The following LOXHD1 variants were observed in gnomAD, a reference collection of about 807,000 sequenced individuals.
LOXHD1 encodes the protein lipoxygenase homology PLAT domains 1, also known as lipoxygenase homology domain-containing protein 1.
In LOXHD1, 205 loss-of-function variants were observed where a neutral mutation model predicts 248.2. The ratio of observed to expected loss-of-function variants is 0.83; its 90% CI spans 0.74 to 0.93. The LOEUF (loss-of-function observed/expected upper bound fraction) is 0.93. Among genes scored for constraint, LOXHD1 ranks in the 40% least tolerant of loss-of-function variants. The pLI is 0.00. For synonymous variants in LOXHD1, 1,113 were observed against 1,162.8 expected (o/e 0.96, Z 0.87); for missense variants, 2,930 against 2,971.6 (o/e 0.99, Z 0.33).
chr18:46,550,194 T>C lies in LOXHD1; in HGVS notation c.3351-3136A>G, dbSNP rs369750012. On this transcript the variant is annotated intron_variant, in intron 21 of 40. Transcript: ENST00000642948. ...GTTCTGAAACCCAAATATTAGAGGC[T>C]CATAGCTTTGGATGCTGAAGAACAC... is the stretch of plus-strand genomic sequence containing the variant. 4.0e-3 allele frequency among the ~76,000 whole-genome samples: 616 copies of C among 152,348 alleles called. 3 individuals are homozygous for C. Among genetic ancestry groups the C allele is most frequent in the African/African-American group, 0.014 (579 of 41,576 alleles).
Position 46,579,795 on chromosome 18 carries a change from G to A in LOXHD1, c.1655-11C>T. ...CATGGTACCGGGCCACTGGCAGGCA[G>A]AGAGAGGGACATCATTGCTGACAGC... is the stretch of plus-strand genomic sequence containing the variant. On this transcript the variant is annotated splice_polypyrimidine_tract_variant and intron_variant, in intron 12 of 40. Transcript: ENST00000642948. The A allele has an allele frequency of 6.5e-7, 1 of 1,550,120 alleles. No homozygotes were observed. The highest frequency in any genetic ancestry group is 8.7e-7 in the Non-Finnish European group (1 of 1,145,754).
rs2038179435 is a variant in LOXHD1 at position 46,592,024 on chromosome 18, A to G, written c.1563T>C (p.Asn521=). The G allele has an allele frequency of 1.3e-6, 2 of 1,552,108 alleles. No individual in the cohort carries two copies. The highest frequency in any genetic ancestry group is 2.0e-5 in the Admixed American group (1 of 50,992). The change falls in exon 12 of 41, where the codon AAT becomes AAC. Residue 521 remains asparagine, a synonymous_variant. Coordinates refer to ENST00000642948, the MANE Select transcript of LOXHD1 (RefSeq NM_001384474.1). ...CATTGGCATCCAGCCAGCGGTTGCA[A>G]TTGAAGTTGTACTTGTCTTTGTTCA... ...NTLNKDKYNF[N]CNRWLDANED...
chr18:46,648,640 T>TA (rs747159277), intron 2 of LOXHD1, among the ~76,000 whole-genome samples: 1 of 152,026 alleles, frequency 6.6e-6, no homozygotes, highest in African/African-American at 2.4e-5. Flanking sequence ...CTAGTTATAA[T>TA]AAAAAAGAGC....
At chr18:46,606,795 A>G (rs997042481) in intron 6 of LOXHD1, among the ~76,000 whole-genome samples, 1 of 152,206 alleles carries the variant, frequency 6.6e-6, no homozygotes, top group Non-Finnish European at 1.5e-5. Flanking sequence ...ATTTTGAGGA[A>G]AAAATAGAAA....
intron 9 of LOXHD1, 66 bp downstream of exon 9, chr18:46,594,265 T>C (rs2038222911): frequency 1.9e-6 from 3 of 1,542,142 alleles, no homozygotes; most frequent in African/African-American, 2.7e-5. Flanking sequence ...TGCCTAGTGG[T>C]CTGACATTCT....
rs149353673 is a variant in LOXHD1 at position 46,645,616 on chromosome 18, GGGT to G, written c.245+3536_245+3538del. On this transcript the variant is annotated intron_variant, in intron 2 of 40. Transcript: ENST00000642948. ...GCCTTCTTCTGGCAGCCACTGCTGT[GGGT>G]GCTTAACTGGGGTGGGGTCGGGGTA... Among the ~76,000 whole-genome samples the G allele has an allele frequency of 6.4e-3, 980 of 152,286 alleles. 5 individuals carry two copies. Among genetic ancestry groups the G allele is most frequent in the African/African-American group, 0.023 (948 of 41,556 alleles).
chr18:46,630,786 A>G (rs974926547), intron 4 of LOXHD1, among the ~76,000 whole-genome samples: 1 of 151,992 alleles, frequency 6.6e-6, no homozygotes, highest in Admixed American at 6.6e-5. Flanking sequence ...GGGGTGTGAA[A>G]TCAGTGGGTG....
intron 21 of LOXHD1, 102 bp downstream of exon 21, chr18:46,557,254 T>G: frequency 2.2e-6 from 3 of 1,370,810 alleles, no homozygotes; most frequent in Non-Finnish European, 3.0e-6. Flanking sequence ...CCCTCCACCG[T>G]CACAGCCGGC....
chr18:46,572,041 T>C, intron 15 of LOXHD1, 45 bp downstream of exon 15: 1 of 1,487,096 alleles, frequency 6.7e-7, no homozygotes, highest in Non-Finnish European at 9.2e-7. Flanking sequence ...AAGGCCCCTG[T>C]CTCACCAAGG....
chr18:46,534,536 T>A, intron 26 of LOXHD1, 85 bp from the exon 27 acceptor site: 1 of 1,004,824 alleles, frequency 1.0e-6, no homozygotes, highest in Non-Finnish European at 1.5e-6. Context: ...CCCCAGGGCA[T>A]CCACCCTGAG....
intron 37 of LOXHD1, among the ~76,000 whole-genome samples, chr18:46,498,139 G>A (rs1043816913): frequency 6.6e-6 from 1 of 152,160 alleles, no homozygotes; most frequent in Non-Finnish European, 1.5e-5. Context: ...TAGGAGCAAG[G>A]CCTTTGCTAA....
At chr18:46,509,136 G>A (rs1220894335) in intron 35 of LOXHD1, among the ~76,000 whole-genome samples, 2 of 152,164 alleles carry the variant, frequency 1.3e-5, no homozygotes, top group African/African-American at 2.4e-5. Context: ...GAAATCCCAC[G>A]CTGCTGTTGC....
intron 37 of LOXHD1, among the ~76,000 whole-genome samples, chr18:46,493,758 T>C (rs929402838): frequency 1.3e-5 from 2 of 152,160 alleles, no homozygotes; most frequent in Non-Finnish European, 2.9e-5. Flanking sequence ...TGGATGGGAG[T>C]GAGACTGGCA....
At chr18:46,509,221 A>G (rs1003569934) in intron 35 of LOXHD1, among the ~76,000 whole-genome samples, 5 of 152,160 alleles carry the variant, frequency 3.3e-5, no homozygotes, top group African/African-American at 1.2e-4. Flanking sequence ...CAGGTTCCTC[A>G]GGCAGGGTGC....
rs367604556 is a variant in LOXHD1, at chr18:46,538,363, G to C, written c.3914-26C>G. On this transcript the variant is annotated intron_variant, in intron 25 of 40. Transcript: ENST00000642948. The stretch of plus-strand genomic sequence containing the variant: ...CTGAGGGTGGTGGTCAGAGGGCAAA[G>C]CCAGAGTGGATGAGAGAACAGAAAA... The C allele has an allele frequency of 1.5e-4, 230 of 1,535,428 alleles. No homozygotes were observed. The African/African-American group carries it at 2.7e-3, about 18-fold the overall frequency.
chr18:46,564,121 C>CGCACACACGCACACGT (rs1164876797), intron 17 of LOXHD1, among the ~76,000 whole-genome samples: 47 of 151,120 alleles, frequency 3.1e-4, no homozygotes, highest in African/African-American at 1.1e-3. Flanking sequence ...TGTGTGTGCA[C>CGCACACACGCACACGT]GCACACACGC....
At chr18:46,644,053 A>G (rs1217650990) in intron 2 of LOXHD1, among the ~76,000 whole-genome samples, 1 of 152,216 alleles carries the variant, frequency 6.6e-6, no homozygotes, top group African/African-American at 2.4e-5. Flanking sequence ...TCTTGTCTAT[A>G]TACATTTTTA....
chr18:46,651,373 C>T (rs1367618634), intron 1 of LOXHD1, among the ~76,000 whole-genome samples: 1 of 152,042 alleles, frequency 6.6e-6, no homozygotes, highest in Non-Finnish European at 1.5e-5. Flanking sequence ...CTGATCAACC[C>T]CCGGAGCCCA....
intron 38 of LOXHD1, among the ~76,000 whole-genome samples, chr18:46,488,016 G>A (rs1209922995): frequency 6.6e-6 from 1 of 152,222 alleles, no homozygotes; most frequent in Non-Finnish European, 1.5e-5. Context: ...TAAATATGAA[G>A]ATGGATTTTC....
Sources: gnomAD v4.1 joint callset for allele counts (sites outside exome capture counted in the v4.1 genomes callset) on GRCh38, gnomAD v4.1.1 for gene constraint, MANE v1.5 for transcripts, NCBI Gene and HGNC (gene_info 2026-07-23, HGNC 2026-07-21) for gene names.